The following MACO1 variants were observed in gnomAD, a reference collection of about 807,000 sequenced individuals.
The protein encoded by MACO1 is macoilin 1.
Under a neutral mutation model 78.7 loss-of-function variants are expected in MACO1, and 14 were observed. The observed-to-expected ratio is 0.18, with a 90% CI of 0.12 to 0.28. The LOEUF (loss-of-function observed/expected upper bound fraction) is 0.28, where lower values mean the gene tolerates loss of function less well. Among genes scored for constraint, MACO1 ranks in the 10% least tolerant of loss-of-function variants. MACO1 has a pLI of 1.00. For synonymous variants in MACO1, 288 were observed against 291.6 expected (o/e 0.99, Z 0.12); for missense variants, 501 against 799.0 (o/e 0.63, Z 4.50).
At chr1:25,438,944 T>C (rs2042943492) in intron 1 of MACO1, among the ~76,000 whole-genome samples, 1 of 151,720 alleles carries the variant, frequency 6.6e-6, no homozygotes, top group Admixed American at 6.6e-5. Flanking sequence ...GAAGTGGACA[T>C]GTCAAACAGA....
rs1164213647 is a variant in MACO1 at position 25,454,485 on chromosome 1, TATA to T, written c.473+104_473+106del. 89 of 158,838 alleles carry T rather than the reference TATA, an allele frequency of 5.6e-4. 1 individual carries two copies. Among genetic ancestry groups the T allele is most frequent in the Middle Eastern group, 3.2e-3 (1 of 308 alleles). The allele number at this position is 158,838 out of a possible 1,614,324, so 9.8% of individuals were successfully genotyped here. On this transcript the variant is annotated intron_variant, in intron 4 of 10. Transcript: ENST00000374343. The stretch of plus-strand genomic sequence containing the variant: ...GTGTGTGTGTGTATATATATATATA[TATA>T]TTTTTTTTTTTTTTAGACGGAGTCT...
At chr1:25,459,537 C>T (rs959671719) in intron 6 of MACO1, among the ~76,000 whole-genome samples, 2 of 150,194 alleles carry the variant, frequency 1.3e-5, no homozygotes, top group Non-Finnish European at 3.0e-5. Context: ...CAGGCTGGCA[C>T]GATCTCGGCT....
chr1:25,491,704 T>C, intron 10 of MACO1, 120 bp downstream of exon 10: 1 of 740,936 alleles, frequency 1.3e-6, no homozygotes, highest in African/African-American at 1.8e-5. Context: ...TCAAGAGTCT[T>C]GGTAAGTGCC....
At chr1:25,491,117 G>A (rs548507978) in intron 9 of MACO1, among the ~76,000 whole-genome samples, 87 of 152,302 alleles carry the variant, frequency 5.7e-4, no homozygotes, top group Non-Finnish European at 4.1e-4. Context: ...AAGGAAAAAT[G>A]TTTTCTGTGG....
intron 1 of MACO1, among the ~76,000 whole-genome samples, chr1:25,445,387 T>G (rs2043006949): frequency 1.3e-5 from 2 of 151,996 alleles, no homozygotes; most frequent in African/African-American, 2.4e-5. Context: ...TTATCAAACC[T>G]AAAGAAGTTC....
At position 25,439,212 on chromosome 1, in the gene MACO1, CTATT is replaced by C. The variant is rs200981849; in HGVS notation, c.81-7532_81-7529del. Among the ~76,000 whole-genome samples, 59 of 151,936 alleles carry C rather than the reference CTATT, an allele frequency of 3.9e-4. No homozygotes were observed. The East Asian group carries it at 0.01, about 26-fold the overall frequency. Reference sequence around the variant, plus strand: ...ACCTTAGTGAAAGGCATAAGATACCCTATTTATTTATTTATTTATTTTTAAAGAA... The same window carrying C: ...ACCTTAGTGAAAGGCATAAGATACCCTATTTATTTATTTATTTTTAAAGAA... On this transcript the variant is annotated intron_variant, in intron 1 of 10. Transcript: ENST00000374343.
intron 2 of MACO1, 115 bp from the exon 3 acceptor site, chr1:25,448,693 C>T: frequency 1.0e-5 from 10 of 993,420 alleles, no homozygotes; most frequent in Non-Finnish European, 1.4e-5. Flanking sequence ...TTTACAGTTA[C>T]CAAGTTATCT....
chr1:25,480,857 G>A (rs1030975516), intron 6 of MACO1, among the ~76,000 whole-genome samples: 9 of 146,762 alleles, frequency 6.1e-5, no homozygotes, highest in Non-Finnish European at 1.3e-4. Context: ...CTTGAACCCA[G>A]GAGGGGGAGA....
rs1171232930 is a variant in MACO1 at position 25,492,933 on chromosome 1, C to T, written c.1792+1349C>T. Among the ~76,000 whole-genome samples, 6 of 152,264 alleles carry T rather than the reference C, an allele frequency of 3.9e-5. No individual in the cohort carries two copies. The East Asian group carries it at 1.2e-3, about 29-fold the overall frequency. ...GTTTGTGTCAGTGCCTGCCCATAGT[C>T]CCAGCTGCTCAGGAGGCTAGGGCAG... is the stretch of plus-strand genomic sequence containing the variant. On this transcript the variant is annotated intron_variant, in intron 10 of 10. Coordinates refer to ENST00000374343, the MANE Select transcript of MACO1 (RefSeq NM_018202.6).
chr1:25,436,838 A>G (rs1234563831), intron 1 of MACO1, among the ~76,000 whole-genome samples: 1 of 152,102 alleles, frequency 6.6e-6, no homozygotes, highest in African/African-American at 2.4e-5. Context: ...ACTGACCTTG[A>G]TTGCTTTATA....
chr1:25,437,465 T>A (rs1403335706), intron 1 of MACO1, among the ~76,000 whole-genome samples: 1 of 152,062 alleles, frequency 6.6e-6, no homozygotes, highest in Non-Finnish European at 1.5e-5. Context: ...CCAACACTTT[T>A]AAAAACCAAA....
Position 25,468,856 on chromosome 1 carries a change from T to C in MACO1, c.1154+9964T>C, listed in dbSNP as rs544070887. The stretch of plus-strand genomic sequence containing the variant: ...AGTGTTTTTTGGTTTTTTTGTTTTG[T>C]TTTGTTTTTGGAGACGGAGTCTCAC... On this transcript the variant is annotated intron_variant, in intron 6 of 10. Transcript: ENST00000374343. Among the ~76,000 whole-genome samples, 4 of 152,264 alleles carry C rather than the reference T, an allele frequency of 2.6e-5. No individual in the cohort carries two copies. The South Asian group carries it at 8.3e-4, about 32-fold the overall frequency.
intron 2 of MACO1, 82 bp downstream of exon 2, chr1:25,446,985 C>T: frequency 6.7e-7 from 1 of 1,487,886 alleles, no homozygotes; most frequent in South Asian, 1.4e-5. Context: ...ACTCAGGTAA[C>T]TATGTTAGGA....
intron 6 of MACO1, among the ~76,000 whole-genome samples, chr1:25,469,786 G>A (rs956500858): frequency 1.3e-4 from 20 of 152,000 alleles, no homozygotes; most frequent in African/African-American, 4.8e-4. Context: ...ACAGGCGTGC[G>A]CCACCATGCC....
rs1571941446 is a variant in MACO1 at position 25,431,003 on chromosome 1, T to G, written c.-96T>G. 1.3e-5 allele frequency: 9 copies of G among 689,162 alleles called. No homozygotes were observed. The highest frequency in any genetic ancestry group is 1.2e-4 in the East Asian group (1 of 8,100). The allele number at this position is 689,162 out of a possible 1,614,324, so 42.7% of individuals were successfully genotyped here. ...ATGTCTGTGTGACCGGCCTCAGGGGTAGAGTCCAGGCCCGACGCGGGGCGG... is the reference window on the plus strand; with the variant it reads ...ATGTCTGTGTGACCGGCCTCAGGGGGAGAGTCCAGGCCCGACGCGGGGCGG... On this transcript the variant is annotated 5_prime_UTR_variant, in exon 1 of 11. Coordinates refer to ENST00000374343, the MANE Select transcript of MACO1 (RefSeq NM_018202.6).
At chr1:25,480,945 T>A (rs1436333225) in intron 6 of MACO1, among the ~76,000 whole-genome samples, 600 of 30,528 alleles carry the variant, frequency 0.02, 40 homozygotes, top group African/African-American at 0.034. Context: ...TATATATATA[T>A]ATATATATAT....
At chr1:25,443,938 CTTTT>C (rs372000457) in intron 1 of MACO1, among the ~76,000 whole-genome samples, 1 of 143,960 alleles carries the variant, frequency 6.9e-6, no homozygotes, top group Non-Finnish European at 1.5e-5. Flanking sequence ...TTTCCATGCC[CTTTT>C]TTTTTTTTTT....
At chr1:25,477,078 A>C (rs2043326941) in intron 6 of MACO1, among the ~76,000 whole-genome samples, 1 of 152,228 alleles carries the variant, frequency 6.6e-6, no homozygotes, top group South Asian at 2.1e-4. Flanking sequence ...AGTCACAGGA[A>C]AAGATTAAAC....
At chr1:25,453,045 G>A (rs955367580) in intron 3 of MACO1, among the ~76,000 whole-genome samples, 2 of 136,104 alleles carry the variant, frequency 1.5e-5, no homozygotes, top group Non-Finnish European at 3.1e-5. Flanking sequence ...CGCTCTTGTT[G>A]CCCAGGCTGA....
Sources: gnomAD v4.1 joint callset for allele counts (sites outside exome capture counted in the v4.1 genomes callset) on GRCh38, gnomAD v4.1.1 for gene constraint, MANE v1.5 for transcripts, NCBI Gene and HGNC (gene_info 2026-07-23, HGNC 2026-07-21) for gene names.